EIF4E2: variants seen among roughly 807,000 people sequenced by gnomAD.
The protein encoded by EIF4E2 is eukaryotic translation initiation factor 4E type 2.
In EIF4E2, 13 loss-of-function variants were observed where a neutral mutation model predicts 34.2. The ratio of observed to expected loss-of-function variants is 0.38; its 90% confidence interval spans 0.25 to 0.60. EIF4E2 has a LOEUF of 0.60. EIF4E2 is among the 20% of genes least tolerant of loss of function. The probability of loss-of-function intolerance (pLI) is 0.62; values close to 1 mark genes in which losing one functional copy is unlikely to be tolerated. For synonymous variants in EIF4E2, 100 were observed against 106.6 expected, an observed-to-expected ratio of 0.94 and a Z score of 0.38; for missense variants, 222 against 315.1, an observed-to-expected ratio of 0.70 and a Z score of 2.24.
At position 232,581,680 on chromosome 2, in the gene EIF4E2, G is replaced by C. The variant is rs1295907283; in HGVS notation, c.*737G>C. On this transcript the variant is annotated 3_prime_UTR_variant, in exon 7 of 7. Transcript: ENST00000409098. The surrounding 1 kb of genome is among the most constrained non-coding windows in gnomAD (Gnocchi z 5.2). ...CAGAATCTAGTTTGATTAGGAGCTA[G>C]ATTATAATCTAGGTTCCAAGTACAG... 1.3e-5 allele frequency: 2 copies of C among 155,140 alleles called. No homozygotes were observed. The highest frequency in any genetic ancestry group is 2.9e-5 in the Non-Finnish European group (2 of 70,116). The allele number at this position is 155,140 out of a possible 1,614,324, so 9.6% of individuals were successfully genotyped here. A position where few individuals can be genotyped will look rare whatever the true frequency, so the allele number is the denominator to read the frequency against.
At chr2:232,580,806 C>T in intron 6 of EIF4E2, 2 of 1,131,412 alleles carry the variant, frequency 1.8e-6, no homozygotes, top group Non-Finnish European at 2.5e-6. Flanking sequence ...CATGGAGACC[C>T]CGAGGGCTGA....
intron 2 of EIF4E2, among the ~76,000 whole-genome samples, chr2:232,557,248 A>C (rs1008189097): frequency 1.3e-5 from 2 of 152,216 alleles, no homozygotes; most frequent in Non-Finnish European, 2.9e-5. Flanking sequence ...CGTTTCAAAA[A>C]AACAAACAAA....
intron 4 of EIF4E2, among the ~76,000 whole-genome samples, chr2:232,564,867 G>T (rs1260952120): frequency 2.6e-5 from 4 of 152,184 alleles, no homozygotes; most frequent in Non-Finnish European, 5.9e-5. Flanking sequence ...TTGGTGCTGG[G>T]TGTTTTTTAA....
intron 6 of EIF4E2, among the ~76,000 whole-genome samples, chr2:232,580,345 G>C (rs914372846): frequency 5.3e-5 from 8 of 152,186 alleles, no homozygotes; most frequent in Middle Eastern, 3.4e-3. Context: ...AAAAAGAAAG[G>C]GGGGGAGAGA....
intron 3 of EIF4E2, among the ~76,000 whole-genome samples, chr2:232,562,285 A>G (rs780045685): frequency 6.6e-6 from 1 of 152,280 alleles, no homozygotes; most frequent in South Asian, 2.1e-4. Flanking sequence ...TTTGCATATA[A>G]GATTGTGCAG....
rs186517931 is a variant in EIF4E2 at position 232,578,654 on chromosome 2, T to C, written c.666-2250T>C. Among the ~76,000 whole-genome samples, 55 of 152,250 alleles carry C rather than the reference T, an allele frequency of 3.6e-4. No homozygotes were observed. The East Asian group carries it at 0.01, about 28-fold the overall frequency. On this transcript the variant is annotated intron_variant, in intron 6 of 6. Coordinates refer to the EIF4E2 transcript ENST00000409098. ...AAAAAAAATCTGAATGAGAAAGTGT[T>C]TTTAGAGCTCTCCAGTTTATCTGCT...
At chr2:232,555,920 T>A (rs1269775842) in intron 1 of EIF4E2, among the ~76,000 whole-genome samples, 1 of 129,400 alleles carries the variant, frequency 7.7e-6, no homozygotes, top group East Asian at 2.1e-4. Flanking sequence ...GGATAGAGAG[T>A]GAGAGATTTG....
chr2:232,556,957 T>C (rs911930492), intron 2 of EIF4E2, among the ~76,000 whole-genome samples: 1 of 152,110 alleles, frequency 6.6e-6, no homozygotes, highest in African/African-American at 2.4e-5. Context: ...CCTTGAAATA[T>C]CAAAGCAGGC....
chr2:232,552,263 G>A (rs1692364617), intron 1 of EIF4E2, among the ~76,000 whole-genome samples: 2 of 152,080 alleles, frequency 1.3e-5, no homozygotes, highest in African/African-American at 4.8e-5. Flanking sequence ...CCTGGCTGGA[G>A]TGCAGTGGTG....
At chr2:232,557,043 G>A (rs753304970) in intron 2 of EIF4E2, among the ~76,000 whole-genome samples, 3 of 152,238 alleles carry the variant, frequency 2.0e-5, no homozygotes, top group Admixed American at 6.5e-5. Flanking sequence ...TCAAGAGATC[G>A]AGACCATCCT....
chr2:232,567,152 G>T lies in EIF4E2; in HGVS notation c.603G>T (p.Arg201=), dbSNP rs1692964227. The change falls in exon 6 of 7, where the codon CGG becomes CGT. Residue 201 remains arginine (R), a synonymous_variant. Transcript: ENST00000258416. ...CAGCCCGAATCCGGGACACACTTCG[G>T]CGAGTGCTTAACCTACCTCCCAACA... is the stretch of plus-strand genomic sequence containing the variant. ...ATTARIRDTL[R]RVLNLPPNTI... 1 of 1,614,048 alleles carries T rather than the reference G, an allele frequency of 6.2e-7. No homozygotes were observed. The highest frequency in any genetic ancestry group is 1.7e-5 in the Admixed American group (1 of 60,002).
exon 7 of EIF4E2, chr2:232,580,981 T>A (rs868227574): frequency 1.3e-6 from 2 of 1,545,566 alleles, no homozygotes; most frequent in Non-Finnish European, 1.8e-6. Context: ...TCTGTATGTG[T>A]GTGTTTGTCC....
chr2:232,568,972 G>A lies in EIF4E2; in HGVS notation c.693G>A (p.Arg231=). 6 of 1,614,136 alleles carry A rather than the reference G, an allele frequency of 3.7e-6. No homozygotes were observed. The highest frequency in any genetic ancestry group is 2.2e-5 in the East Asian group (1 of 44,870). Residue 231 remains arginine, a synonymous_variant, in exon 7 of 7, where the codon AGG becomes AGA. Coordinates refer to ENST00000258416, the MANE Select transcript of EIF4E2 (RefSeq NM_004846.4). ...TGCCAGGCAGGCTGGGCCCCCAAAG[G>A]CTCCTTTTTCAAAACCTCTGGAAGC... The part of the protein sequence containing the change: ...IKMPGRLGPQ[R]LLFQNLWKPR...
chr2:232,568,769 C>T (rs1371731543), intron 6 of EIF4E2, 176 bp from the exon 7 acceptor site: 1 of 985,318 alleles, frequency 1.0e-6, no homozygotes, highest in African/African-American at 1.7e-5. Context: ...TTGCCTTAGT[C>T]TGCTAGAAAG....
chr2:232,562,404 A>C (rs549110603), intron 3 of EIF4E2, among the ~76,000 whole-genome samples: 3 of 152,186 alleles, frequency 2.0e-5, no homozygotes, highest in South Asian at 4.2e-4. Flanking sequence ...AACATGGTGA[A>C]TGGTGAAACC....
chr2:232,560,933 T>C (rs935844613), intron 3 of EIF4E2, among the ~76,000 whole-genome samples: 2 of 152,218 alleles, frequency 1.3e-5, no homozygotes, highest in Non-Finnish European at 2.9e-5. Context: ...TTGAATGAAT[T>C]CAAGGCTCTA....
chr2:232,575,792 A>G (rs886295817), intron 6 of EIF4E2, among the ~76,000 whole-genome samples: 6 of 152,262 alleles, frequency 3.9e-5, no homozygotes, highest in African/African-American at 1.4e-4. Flanking sequence ...TTCAGAAGCC[A>G]GGTGCTATAA....
chr2:232,563,792 TAAAC>T (rs774817381), intron 3 of EIF4E2, among the ~76,000 whole-genome samples: 54 of 152,366 alleles, frequency 3.5e-4, no homozygotes, highest in Non-Finnish European at 5.7e-4. Context: ...ATTTGCCAGT[TAAAC>T]AATCTTTCAT....
In EIF4E2 at chr2:232,575,568, C is replaced by T. The variant is rs182132461; in HGVS notation, c.666-5336C>T. Among the ~76,000 whole-genome samples, 7 of 152,206 alleles carry T rather than the reference C, an allele frequency of 4.6e-5. No individual in the cohort carries two copies. The East Asian group carries it at 1.2e-3, about 25-fold the overall frequency. ...TTGAGCCCAGGAGTTCAAGGCCAGC[C>T]TGGGCAATATAGTAAGACCCTTGTT... On this transcript the variant is annotated intron_variant, in intron 6 of 6. Coordinates refer to the EIF4E2 transcript ENST00000409098.
Sources: allele counts gnomAD v4.1 joint callset (sites outside exome capture counted in the v4.1 genomes callset), GRCh38; gene constraint gnomAD v4.1.1; non-coding constraint Gnocchi (gnomAD v3.1); transcripts MANE v1.5; gene names NCBI Gene and HGNC (gene_info 2026-07-23, HGNC 2026-07-21).